Variants in WDR19 observed in about 807,000 individuals in gnomAD.
The protein encoded by WDR19 is WD repeat-containing protein 19.
In WDR19, 121 loss-of-function variants were observed where a neutral mutation model predicts 180.0. That is an observed-to-expected ratio of 0.67 (90% confidence interval 0.58 to 0.78). The LOEUF is 0.78. Among genes scored for constraint, WDR19 ranks in the 30% least tolerant of loss-of-function variants. WDR19 has a pLI of 0.00. For missense variants in WDR19, 1,450 were observed against 1,640.7 expected (o/e 0.88, Z 2.01); for synonymous variants, 497 against 540.7 (o/e 0.92, Z 1.12).
chr4:39,195,239 C>A (rs1014280827), intron 5 of WDR19, among the ~76,000 whole-genome samples: 1 of 151,818 alleles, frequency 6.6e-6, no homozygotes, highest in East Asian at 1.9e-4. Context: ...CAGTGGCAGC[C>A]GCCTGTAATC....
intron 36 of WDR19, among the ~76,000 whole-genome samples, chr4:39,280,119 G>GTTTTTTTTTTTTTTTT (rs551041321): frequency 1.9e-4 from 10 of 53,964 alleles, no homozygotes; most frequent in African/African-American, 5.6e-4. Flanking sequence ...CCCTTTTCTT[G>GTTTTTTTTTTTTTTTT]TTTTTTTTTT....
At chr4:39,188,775 G>A (rs191266103) in intron 3 of WDR19, among the ~76,000 whole-genome samples, 2,940 of 151,766 alleles carry the variant, frequency 0.019, 49 homozygotes, top group Middle Eastern at 0.041. Flanking sequence ...TTTTGAAACA[G>A]GGTCTCTCTG....
At chr4:39,259,255 A>C (rs1332748822) in intron 28 of WDR19, among the ~76,000 whole-genome samples, 3 of 152,108 alleles carry the variant, frequency 2.0e-5, no homozygotes, top group African/African-American at 7.2e-5. Context: ...TATCCTGTTG[A>C]CCTAGCACCA....
At chr4:39,244,674 C>G in intron 23 of WDR19, 122 bp downstream of exon 23, 2 of 945,636 alleles carry the variant, frequency 2.1e-6, no homozygotes, top group Non-Finnish European at 3.2e-6. Flanking sequence ...TCTAGACCTA[C>G]CCTTCATCTC....
chr4:39,230,749 T>G (rs73136738), intron 17 of WDR19, among the ~76,000 whole-genome samples: 1,576 of 152,286 alleles, frequency 0.01, 26 homozygotes, highest in African/African-American at 0.036. Context: ...TGTAACGAGT[T>G]CAGTAAATGT....
chr4:39,278,370 T>C (rs1736117643), intron 35 of WDR19, 163 bp downstream of exon 35: 1 of 836,206 alleles, frequency 1.2e-6, no homozygotes, highest in Non-Finnish European at 1.9e-6. Context: ...GAGAATATTA[T>C]CTTTAAAGAG....
At chr4:39,205,306 C>T in intron 8 of WDR19, 40 bp downstream of exon 8, 1 of 1,484,260 alleles carries the variant, frequency 6.7e-7, no homozygotes, top group Non-Finnish European at 9.2e-7. Context: ...AAGCTCATTA[C>T]AGAAGGACAT....
intron 4 of WDR19, among the ~76,000 whole-genome samples, chr4:39,193,963 T>C (rs1031501250): frequency 5.9e-5 from 9 of 152,240 alleles, no homozygotes; most frequent in African/African-American, 1.9e-4. Flanking sequence ...TGGAAAGAGG[T>C]ACTCTCCAAG....
chr4:39,247,534 G>A (rs1732660217), intron 24 of WDR19, among the ~76,000 whole-genome samples: 1 of 152,146 alleles, frequency 6.6e-6, no homozygotes, highest in Non-Finnish European at 1.5e-5. Flanking sequence ...AGAGAGGAAG[G>A]CTTCAGAAGA....
intron 36 of WDR19, among the ~76,000 whole-genome samples, chr4:39,280,915 G>C (rs1442459886): frequency 6.6e-6 from 1 of 152,074 alleles, no homozygotes; most frequent in Non-Finnish European, 1.5e-5. Context: ...TGTGAGATAG[G>C]GATGCAGCTT....
chr4:39,275,703 C>G (rs764399714), intron 33 of WDR19, among the ~76,000 whole-genome samples: 5 of 152,216 alleles, frequency 3.3e-5, no homozygotes, highest in Non-Finnish European at 7.3e-5. Context: ...GGCCAGTACT[C>G]TGCCTCACAG....
In WDR19 at chr4:39,189,725, C is replaced by T. The variant is rs1232301082; in HGVS notation, c.234C>T (p.Cys78=). ...CAGTGATTGCTGAGAAATCTAGCTG[C>T]ATTTATCTTTGGGATGCCAACACAA... The part of the protein sequence containing the change: ...VLAVIAEKSS[C]IYLWDANTNK... The change falls in exon 4 of 37, where the codon TGC becomes TGT. Residue 78 remains cysteine (C), a synonymous_variant. Coordinates refer to ENST00000399820, the MANE Select transcript of WDR19 (RefSeq NM_025132.4). 2.5e-6 allele frequency: 4 copies of T among 1,611,468 alleles called. No homozygotes were observed. In the East Asian group the frequency reaches 8.9e-5, roughly 36 times the overall value.
At chr4:39,189,310 T>A (rs1357506928) in intron 3 of WDR19, among the ~76,000 whole-genome samples, 1 of 152,220 alleles carries the variant, frequency 6.6e-6, no homozygotes, top group Non-Finnish European at 1.5e-5. Context: ...ATGTCTCGAT[T>A]CCAGATGTGA....
chr4:39,278,704 C>A, intron 36 of WDR19, 41 bp downstream of exon 36: 1 of 1,277,576 alleles, frequency 7.8e-7, no homozygotes, highest in Non-Finnish European at 1.1e-6. Flanking sequence ...GGCGCAAGGG[C>A]CCACAGCGTG....
At chr4:39,221,459 A>C (rs1311978120) in intron 14 of WDR19, among the ~76,000 whole-genome samples, 1 of 152,234 alleles carries the variant, frequency 6.6e-6, no homozygotes, top group South Asian at 2.1e-4. Context: ...AGAAAATATC[A>C]TGTTTTTTGG....
At position 39,189,559 on chromosome 4, in the gene WDR19, C is replaced by T. The variant is rs574347418; in HGVS notation, c.165-97C>T. 4 of 1,176,692 alleles carry T rather than the reference C, an allele frequency of 3.4e-6. No homozygotes were observed. The African/African-American group carries it at 6.3e-5, about 19-fold the overall frequency. 72.9% of individuals were successfully genotyped at this position (1,176,692 alleles called of 1,614,324 possible). ...CACTTTAGAGAGTTTATTATCTGTT[C>T]AAAATAGATTGAATAATCTTGTTAT... On this transcript the variant is annotated intron_variant, in intron 3 of 36. Transcript: ENST00000399820.
rs2109358802 is a variant in WDR19, at chr4:39,228,627, A to C, written c.1919A>C (p.Asn640Thr). The C allele has an allele frequency of 1.2e-6, 2 of 1,613,388 alleles. No homozygotes were observed. Among genetic ancestry groups the C allele is most frequent in the Non-Finnish European group, 1.7e-6 (2 of 1,179,578 alleles). ...CTTAGCACCCATGGCTTTCTCAGCA[A>C]CTTAAAAGATACGGGGCCTGACGAA... is the stretch of plus-strand genomic sequence containing the variant. ...IYLSTHGFLS[N>T]LKDTGPDELR... The change falls in exon 17 of 37, where the codon AAC becomes ACC. Residue 640 changes from asparagine to threonine, a missense_variant. Coordinates refer to ENST00000399820, the MANE Select transcript of WDR19 (RefSeq NM_025132.4).
chr4:39,247,703 G>A lies in WDR19; in HGVS notation c.2729+2251G>A, dbSNP rs562248768. On this transcript the variant is annotated intron_variant, in intron 24 of 36. Coordinates refer to ENST00000399820, the MANE Select transcript of WDR19 (RefSeq NM_025132.4). Reference sequence around the variant, plus strand: ...AACCATGGCACAAGAATTACGCGACGAATCCACAAGCCTCAGTAACCGATG... The same window carrying A: ...AACCATGGCACAAGAATTACGCGACAAATCCACAAGCCTCAGTAACCGATG... 2.6e-4 allele frequency among the ~76,000 whole-genome samples: 39 copies of A among 152,054 alleles called. No individual in the cohort carries two copies. In the South Asian group the frequency reaches 7.9e-3, roughly 31 times the overall value.
intron 35 of WDR19, 92 bp from the exon 36 acceptor site, chr4:39,278,447 G>A: frequency 1.0e-6 from 1 of 999,344 alleles, no homozygotes; most frequent in Non-Finnish European, 1.5e-6. Context: ...AAGAGGTGTA[G>A]ACAGAAAGTT....
Sources: gnomAD v4.1 joint callset for allele counts (sites outside exome capture counted in the v4.1 genomes callset) on GRCh38, gnomAD v4.1.1 for gene constraint, MANE v1.5 for transcripts, NCBI Gene and HGNC (gene_info 2026-07-23, HGNC 2026-07-21) for gene names.